RCSD1: variants seen among roughly 807,000 people sequenced by gnomAD.
The protein encoded by RCSD1 is capZ-interacting protein.
In RCSD1, 26 loss-of-function variants were observed where a neutral mutation model predicts 42.5. That is an observed-to-expected ratio of 0.61 (90% CI 0.45 to 0.85). The LOEUF is 0.85. Ranked by LOEUF, RCSD1 falls within the 40% of genes least tolerant of loss-of-function variation. The pLI, the probability that RCSD1 is intolerant of heterozygous loss-of-function variation, is 0.00. For missense variants in RCSD1, 571 were observed against 528.3 expected, an observed-to-expected ratio of 1.08 and a Z score of -0.79; for synonymous variants, 220 against 212.2, an observed-to-expected ratio of 1.04 and a Z score of -0.32.
intron 1 of RCSD1, among the ~76,000 whole-genome samples, chr1:167,661,238 A>G (rs887242030): frequency 6.6e-6 from 1 of 152,252 alleles, no homozygotes; most frequent in Non-Finnish European, 1.5e-5. Context: ...AAGAAAATGA[A>G]GTCGAGAAAA....
intron 2 of RCSD1, among the ~76,000 whole-genome samples, chr1:167,684,922 G>T (rs1293490221): frequency 6.6e-6 from 1 of 152,222 alleles, no homozygotes; most frequent in African/African-American, 2.4e-5. Context: ...GTGCCCCAAG[G>T]TGGAGAGAAA....
chr1:167,675,460 C>T (rs532899237), intron 1 of RCSD1, among the ~76,000 whole-genome samples: 9 of 152,176 alleles, frequency 5.9e-5, no homozygotes, highest in African/African-American at 1.9e-4. Context: ...ACAACTGCTC[C>T]CATAATTCAA....
intron 6 of RCSD1, 81 bp from the exon 7 acceptor site, chr1:167,704,583 C>A: frequency 8.7e-7 from 1 of 1,151,182 alleles, no homozygotes; most frequent in South Asian, 1.3e-5. Context: ...ATTGCCAGAT[C>A]CATCATCCCC....
chr1:167,689,960 C>G, intron 3 of RCSD1, 89 bp from the exon 4 acceptor site: 1 of 1,258,962 alleles, frequency 7.9e-7, no homozygotes, highest in Non-Finnish European at 1.1e-6. Context: ...AACTTCTCTT[C>G]TCCTTCTGCC....
intron 3 of RCSD1, among the ~76,000 whole-genome samples, chr1:167,686,030 G>A (rs1659228140): frequency 6.6e-6 from 1 of 152,290 alleles, no homozygotes; most frequent in East Asian, 1.9e-4. Flanking sequence ...GTTGCCCTCA[G>A]ATATAAATAG....
intron 1 of RCSD1, among the ~76,000 whole-genome samples, chr1:167,639,792 C>G (rs1000198322): frequency 6.6e-6 from 1 of 152,222 alleles, no homozygotes; most frequent in African/African-American, 2.4e-5. Context: ...TGATGCCCGG[C>G]CCATTCTCAT....
At chr1:167,632,689 CA>C (rs1657735900) in intron 1 of RCSD1, among the ~76,000 whole-genome samples, 1 of 9,446 alleles carries the variant, frequency 1.1e-4, no homozygotes, top group Non-Finnish European at 4.7e-4. Context: ...CTGCGTCTCA[CA>C]TCCAGTAGGT....
rs377274898 is a variant in RCSD1 at position 167,630,402 on chromosome 1, G to C, written c.-22G>C. ...GCCCGGGCGAGCGGGTGCGTCTGCC[G>C]CAGAGTCGGCACCTGAAGGACATGG... On this transcript the variant is annotated 5_prime_UTR_variant, in exon 1 of 7. Coordinates refer to ENST00000367854, the MANE Select transcript of RCSD1 (RefSeq NM_052862.4). 2.6e-6 allele frequency: 4 copies of C among 1,519,290 alleles called. No homozygotes were observed. The African/African-American group carries it at 5.6e-5, about 21-fold the overall frequency. The allele number at this position is 1,519,290 out of a possible 1,614,324, so 94.1% of individuals were successfully genotyped here.
rs963167868 is a variant in RCSD1, at chr1:167,706,723, T to A, written c.*2027T>A. Among the ~76,000 whole-genome samples the A allele has an allele frequency of 6.6e-6, 1 of 152,146 alleles. No homozygotes were observed. The highest frequency in any genetic ancestry group is 1.5e-5 in the Non-Finnish European group (1 of 68,014). On this transcript the variant is annotated 3_prime_UTR_variant, in exon 7 of 7. Transcript: ENST00000367854. ...ATAGAGGCCCCATTCCCAGGGCTTG[T>A]TCATTAATAAAGGGGGCTCTTGGCA... is the stretch of plus-strand genomic sequence containing the variant.
intron 1 of RCSD1, among the ~76,000 whole-genome samples, chr1:167,662,933 C>A (rs974932292): frequency 2.0e-5 from 3 of 152,196 alleles, no homozygotes; most frequent in Non-Finnish European, 4.4e-5. Flanking sequence ...TCCCAATTTT[C>A]TTCTTACGTT....
At chr1:167,688,612 G>C (rs1156233429) in intron 3 of RCSD1, among the ~76,000 whole-genome samples, 1 of 152,188 alleles carries the variant, frequency 6.6e-6, no homozygotes, top group Non-Finnish European at 1.5e-5. Context: ...GAATTAGAAG[G>C]AGTGGGGATC....
intron 1 of RCSD1, chr1:167,665,182 C>A (rs1050869144): frequency 6.6e-6 from 1 of 152,132 alleles, no homozygotes; most frequent in African/African-American, 2.4e-5. Flanking sequence ...TATAGTTTTG[C>A]CTTTTAAAGA....
At chr1:167,668,627 C>T (rs1425427461) in intron 1 of RCSD1, among the ~76,000 whole-genome samples, 1 of 151,980 alleles carries the variant, frequency 6.6e-6, no homozygotes, top group Non-Finnish European at 1.5e-5. Context: ...AGACTGTAAC[C>T]TCCATTATGA....
At chr1:167,691,162 TC>T (rs1387387881) in intron 4 of RCSD1, among the ~76,000 whole-genome samples, 1 of 152,152 alleles carries the variant, frequency 6.6e-6, no homozygotes, top group Non-Finnish European at 1.5e-5. Context: ...TTCAGCAGCA[TC>T]CCTTTCCCAC....
intron 6 of RCSD1, among the ~76,000 whole-genome samples, chr1:167,701,301 TTTC>T (rs1448313223): frequency 3.3e-5 from 5 of 149,350 alleles, no homozygotes; most frequent in Admixed American, 6.7e-5. Context: ...TCTTTCTTTC[TTTC>T]TTTCTTTCTT....
chr1:167,707,016 C>T lies in RCSD1; in HGVS notation c.*2320C>T, dbSNP rs553309478. 1.6e-4 allele frequency among the ~76,000 whole-genome samples: 25 copies of T among 152,320 alleles called. No homozygotes were observed. The South Asian group carries it at 2.1e-3, about 13-fold the overall frequency. ...ACAGCAACAGAGTTAAAGAAATAGT[C>T]ATAGTCATTCTTCCACGATCTTTGT... On this transcript the variant is annotated 3_prime_UTR_variant, in exon 7 of 7. Coordinates refer to ENST00000367854, the MANE Select transcript of RCSD1 (RefSeq NM_052862.4).
chr1:167,703,916 C>G (rs186314999), intron 6 of RCSD1, among the ~76,000 whole-genome samples: 2 of 152,292 alleles, frequency 1.3e-5, no homozygotes, highest in East Asian at 3.9e-4. Context: ...CCTCTATCTT[C>G]CCCTCCACAA....
chr1:167,645,994 G>C (rs142806320), intron 1 of RCSD1, among the ~76,000 whole-genome samples: 2 of 152,168 alleles, frequency 1.3e-5, no homozygotes, highest in Non-Finnish European at 2.9e-5. Flanking sequence ...CCAAGGCACC[G>C]GTGAGAGGTG....
At chr1:167,692,890 G>A (rs72697731) in intron 4 of RCSD1, among the ~76,000 whole-genome samples, 7,133 of 152,188 alleles carry the variant, frequency 0.047, 232 homozygotes, top group Middle Eastern at 0.12. Context: ...TAGGAGGTGG[G>A]AAGGTGGCCA....
Sources: gnomAD v4.1 joint callset for allele counts (sites outside exome capture counted in the v4.1 genomes callset) on GRCh38, gnomAD v4.1.1 for gene constraint, MANE v1.5 for transcripts, NCBI Gene and HGNC (gene_info 2026-07-23, HGNC 2026-07-21) for gene names.